Variants in DMD observed in about 807,000 individuals in gnomAD.
DMD encodes the protein dystrophin.
DMD carries 63 observed loss-of-function variants against 330.1 expected under a neutral mutation model. The observed-to-expected ratio is 0.19, with a 90% confidence interval of 0.16 to 0.24. DMD has a LOEUF of 0.24. DMD is among the 10% of genes least tolerant of loss of function. The pLI is 1.00. For missense variants in DMD, 3,344 were observed against 2,684.1 expected, an observed-to-expected ratio of 1.25 and a Z score of -5.43; for synonymous variants, 1,223 against 959.8, an observed-to-expected ratio of 1.27 and a Z score of -5.07.
intron 60 of DMD, among the ~76,000 whole-genome samples, chrX:31,388,566 G>C (rs770967305): frequency 1.8e-5 from 2 of 111,769 alleles, no homozygotes; most frequent in South Asian, 7.5e-4. Flanking sequence ...AGTTTACCTA[G>C]CTCAATACCT....
At chrX:31,431,369 T>C (rs762882673) in intron 60 of DMD, among the ~76,000 whole-genome samples, 20 of 111,395 alleles carry the variant, frequency 1.8e-4, no homozygotes, top group Non-Finnish European at 3.4e-4. Flanking sequence ...CAGCTGTTGG[T>C]AGAAATTATT....
chrX:32,650,503 C>G (rs888588438), intron 9 of DMD, among the ~76,000 whole-genome samples: 6 of 111,461 alleles, frequency 5.4e-5, no homozygotes, highest in African/African-American at 2.0e-4. Context: ...CACTAAATAA[C>G]AGAAGAGCAT....
intron 60 of DMD, among the ~76,000 whole-genome samples, chrX:31,409,350 A>T (rs1004623133): frequency 8.9e-6 from 1 of 111,971 alleles, no homozygotes; most frequent in African/African-American, 3.3e-5. Flanking sequence ...GAATTGACTT[A>T]TTTCTTGTAA....
At chrX:32,778,056 T>C (rs1014329120) in intron 7 of DMD, among the ~76,000 whole-genome samples, 2 of 111,742 alleles carry the variant, frequency 1.8e-5, no homozygotes, top group African/African-American at 6.5e-5. Context: ...CTGGGCTTCA[T>C]ATGGTTCAAC....
chrX:32,374,341 A>T (rs1400625780), intron 34 of DMD, among the ~76,000 whole-genome samples: 1 of 111,008 alleles, frequency 9.0e-6, no homozygotes, highest in Non-Finnish European at 1.9e-5. Context: ...TTTTTGTTGC[A>T]TTTGTCATTG....
chrX:32,497,475 C>A (rs185260530), intron 19 of DMD, among the ~76,000 whole-genome samples: 256 of 112,115 alleles, frequency 2.3e-3, no homozygotes, highest in African/African-American at 7.4e-3. Context: ...ATTTAACTAA[C>A]CCTATTACAT....
In DMD at chrX:32,484,964, G is replaced by C. The variant is rs398123905; in HGVS notation, c.2758C>G (p.Gln920Glu). ...CTGGCCTGCACATCAGAAAAGACTTGCTTAAAATGATTTGTAAAGGCCACA... is the reference window on the plus strand; with the variant it reads ...CTGGCCTGCACATCAGAAAAGACTTCCTTAAAATGATTTGTAAAGGCCACA... ...DFVAFTNHFK[Q>E]VFSDVQAREK... Residue 920 changes from glutamine (Q) to glutamate (E), a missense_variant, in exon 21 of 79, where the codon CAA becomes GAA. By Grantham distance (29) the Gln-to-Glu change is conservative (BLOSUM62 2). Transcript: ENST00000357033. The C allele has an allele frequency of 4.1e-6, 5 of 1,209,671 alleles. No homozygotes were observed. The highest frequency in any genetic ancestry group is 4.5e-6 in the Non-Finnish European group (4 of 895,133).
chrX:32,649,370 TG>T lies in DMD; in HGVS notation c.961-4219del, dbSNP rs764025589. ...GAGATCGAGACCATCTTCGCTAACA[TG>T]GTTAAACCCCGTCTCTACTAAAAAT... On this transcript the variant is annotated intron_variant, in intron 9 of 78. Transcript: ENST00000357033. Among the ~76,000 whole-genome samples, 419 of 108,594 alleles carry T rather than the reference TG, an allele frequency of 3.9e-3. 1 individual carries two copies. Among genetic ancestry groups the T allele is most frequent in the Middle Eastern group, 0.024 (5 of 208 alleles). The allele number at this position is 108,594 out of a possible 115,157, so 94.3% of individuals were successfully genotyped here. A position where few individuals can be genotyped will look rare whatever the true frequency, so the allele number is the denominator to read the frequency against.
intron 1 of DMD, among the ~76,000 whole-genome samples, chrX:33,112,402 A>C (rs1445918182): frequency 2.7e-5 from 3 of 111,958 alleles, no homozygotes; most frequent in Admixed American, 9.6e-5. Flanking sequence ...TTACAGAATT[A>C]AAATGAGTCT....
intron 41 of DMD, among the ~76,000 whole-genome samples, chrX:32,330,329 T>C (rs758087642): frequency 2.0e-4 from 22 of 112,338 alleles, no homozygotes; most frequent in Admixed American, 1.8e-3. Context: ...TTTGTGAAAA[T>C]CAAAGTGGAA....
At chrX:32,862,903 A>AT (rs1243749500) in intron 2 of DMD, among the ~76,000 whole-genome samples, 1 of 109,812 alleles carries the variant, frequency 9.1e-6, no homozygotes. Context: ...CGCTTGGCTA[A>AT]TTTTTTTATA....
At chrX:33,062,088 G>C (rs1174011357) in intron 1 of DMD, among the ~76,000 whole-genome samples, 2 of 111,810 alleles carry the variant, frequency 1.8e-5, no homozygotes, top group African/African-American at 6.5e-5. Context: ...TTTGATTATT[G>C]TCCATATAAA....
chrX:33,176,885 C>T (rs1212266844), intron 1 of DMD, among the ~76,000 whole-genome samples: 6 of 111,338 alleles, frequency 5.4e-5, no homozygotes, highest in Admixed American at 1.9e-4. Context: ...TGCAGTGAGC[C>T]GAGATCATGC....
intron 63 of DMD, among the ~76,000 whole-genome samples, chrX:31,260,177 G>A (rs1045004838): frequency 1.8e-5 from 2 of 111,530 alleles, no homozygotes; most frequent in Admixed American, 9.5e-5. Flanking sequence ...AGGGGTTCGA[G>A]GCTGCAATAA....
chrX:32,411,294 C>T (rs1474996807), intron 30 of DMD, among the ~76,000 whole-genome samples: 1 of 110,641 alleles, frequency 9.0e-6, no homozygotes, highest in Non-Finnish European at 1.9e-5. Context: ...ACAAACCTGG[C>T]TAATTTTTGT....
intron 7 of DMD, among the ~76,000 whole-genome samples, chrX:32,761,263 A>C (rs948265073): frequency 8.9e-6 from 1 of 111,910 alleles, no homozygotes; most frequent in African/African-American, 3.2e-5. Context: ...TCTACACTAA[A>C]TCCCCAGTAT....
intron 4 of DMD, among the ~76,000 whole-genome samples, chrX:32,826,179 GAC>G (rs2078677825): frequency 9.0e-6 from 1 of 111,382 alleles, no homozygotes; most frequent in Admixed American, 9.6e-5. Flanking sequence ...TTATCAAAAA[GAC>G]AAAAGGTAAG....
At chrX:33,196,229 A>G (rs1170079195) in intron 1 of DMD, among the ~76,000 whole-genome samples, 1 of 112,086 alleles carries the variant, frequency 8.9e-6, no homozygotes, top group Non-Finnish European at 1.9e-5. Flanking sequence ...ACAAAATTAC[A>G]TGAACCAAAG....
chrX:32,343,634 C>CA (rs2097754964), intron 39 of DMD, among the ~76,000 whole-genome samples: 1 of 111,222 alleles, frequency 9.0e-6, no homozygotes. Context: ...TAACTAGATA[C>CA]AAACTCACAA....
Sources: allele counts gnomAD v4.1 joint callset (sites outside exome capture counted in the v4.1 genomes callset), GRCh38; gene constraint gnomAD v4.1.1; transcripts MANE v1.5; gene names NCBI Gene and HGNC (gene_info 2026-07-23, HGNC 2026-07-21).